The following PRKG1 variants were observed in gnomAD, a reference collection of about 807,000 sequenced individuals.
PRKG1 encodes the protein protein kinase cGMP-dependent 1, also known as cGMP-dependent protein kinase 1.
In PRKG1, 35 loss-of-function variants were observed where a neutral mutation model predicts 88.1. That is an observed-to-expected ratio of 0.40 (90% CI 0.30 to 0.53). The LOEUF is 0.53. Ranked by LOEUF, PRKG1 falls within the 20% of genes least tolerant of loss-of-function variation. PRKG1 has a pLI of 0.59. For synonymous variants in PRKG1, 303 were observed against 292.5 expected, an observed-to-expected ratio of 1.04 and a Z score of -0.37; for missense variants, 540 against 839.8, an observed-to-expected ratio of 0.64 and a Z score of 4.41.
intron 3 of PRKG1, among the ~76,000 whole-genome samples, chr10:51,583,935 A>C (rs1187369337): frequency 6.6e-6 from 1 of 152,074 alleles, no homozygotes; most frequent in African/African-American, 2.4e-5. Flanking sequence ...TGTTGAGCTA[A>C]GGCTTTGCAA....
At chr10:51,401,971 A>G (rs1020848968) in intron 2 of PRKG1, among the ~76,000 whole-genome samples, 8 of 152,114 alleles carry the variant, frequency 5.3e-5, no homozygotes, top group African/African-American at 1.2e-4. Flanking sequence ...CTGCCTCTCT[A>G]TTTATCCAAT....
intron 3 of PRKG1, among the ~76,000 whole-genome samples, chr10:51,581,011 G>C (rs191351486): frequency 2.1e-4 from 32 of 152,046 alleles, no homozygotes; most frequent in Admixed American, 1.8e-3. Context: ...GGTCCAGGGG[G>C]GGGTCACTGC....
At chr10:51,470,756 C>T (rs1206032072) in intron 3 of PRKG1, among the ~76,000 whole-genome samples, 3 of 151,836 alleles carry the variant, frequency 2.0e-5, no homozygotes, top group Admixed American at 1.3e-4. Flanking sequence ...AGTTTTCTTA[C>T]TAAAGCTCTA....
intron 5 of PRKG1, among the ~76,000 whole-genome samples, chr10:51,987,748 A>G (rs2447647): frequency 0.88 from 134,428 of 152,006 alleles, 59,588 homozygotes; most frequent in East Asian, 1. Flanking sequence ...CCATAATTTC[A>G]TGTCAGTGTA....
chr10:51,574,436 G>T (rs893275027), intron 3 of PRKG1, among the ~76,000 whole-genome samples: 1 of 151,932 alleles, frequency 6.6e-6, no homozygotes, highest in Admixed American at 6.6e-5. Context: ...GTCAAGGATA[G>T]GGAGGGGAGG....
intron 2 of PRKG1, among the ~76,000 whole-genome samples, chr10:51,337,754 A>G (rs972741413): frequency 6.6e-6 from 1 of 152,266 alleles, no homozygotes; most frequent in Non-Finnish European, 1.5e-5. Context: ...GAAACAACAG[A>G]TGCTGGTGAG....
At chr10:51,255,432 C>T (rs556348338) in intron 2 of PRKG1, among the ~76,000 whole-genome samples, 2 of 152,232 alleles carry the variant, frequency 1.3e-5, no homozygotes, top group South Asian at 4.2e-4. Flanking sequence ...AAACTCTGCT[C>T]GAACTATCTC....
chr10:51,089,060 T>C (rs1844332447), intron 1 of PRKG1, among the ~76,000 whole-genome samples: 1 of 152,150 alleles, frequency 6.6e-6, no homozygotes. Flanking sequence ...TACCCCTTGT[T>C]TATGTTATTG....
intron 2 of PRKG1, among the ~76,000 whole-genome samples, chr10:51,256,837 C>G (rs555475730): frequency 1.3e-5 from 2 of 151,498 alleles, no homozygotes; most frequent in Non-Finnish European, 2.9e-5. Flanking sequence ...AGACGTTGGA[C>G]TATGGGGGAA....
chr10:51,015,266 T>C (rs1843043486), intron 1 of PRKG1, among the ~76,000 whole-genome samples: 1 of 152,244 alleles, frequency 6.6e-6, no homozygotes, highest in South Asian at 2.1e-4. Flanking sequence ...CAAGTTACAA[T>C]TACTAAACAT....
intron 7 of PRKG1, among the ~76,000 whole-genome samples, chr10:52,102,159 C>T (rs1284871509): frequency 6.6e-6 from 1 of 152,128 alleles, no homozygotes; most frequent in Non-Finnish European, 1.5e-5. Flanking sequence ...AGCCAATAAA[C>T]AACTGCCTTT....
intron 3 of PRKG1, among the ~76,000 whole-genome samples, chr10:51,562,096 T>G (rs1837478849): frequency 6.6e-6 from 1 of 151,744 alleles, no homozygotes; most frequent in South Asian, 2.1e-4. Flanking sequence ...TGGTGGTGCA[T>G]GCCTGTAATC....
At chr10:51,350,599 A>G (rs1377823144) in intron 2 of PRKG1, among the ~76,000 whole-genome samples, 1 of 152,200 alleles carries the variant, frequency 6.6e-6, no homozygotes, top group African/African-American at 2.4e-5. Flanking sequence ...TGAGAAAGAA[A>G]TAAAGAGCAT....
chr10:51,119,104 T>C (rs2131911765), intron 1 of PRKG1, among the ~76,000 whole-genome samples: 1 of 152,256 alleles, frequency 6.6e-6, no homozygotes, highest in African/African-American at 2.4e-5. Context: ...ACTGTCTTAG[T>C]AGTTTGAAAA....
intron 3 of PRKG1, among the ~76,000 whole-genome samples, chr10:51,792,272 T>A (rs1445380921): frequency 6.6e-6 from 1 of 152,158 alleles, no homozygotes; most frequent in East Asian, 1.9e-4. Flanking sequence ...CTTGATCCCG[T>A]GTTTATAACC....
chr10:52,059,369 G>T (rs1846182261), intron 6 of PRKG1, among the ~76,000 whole-genome samples: 1 of 151,922 alleles, frequency 6.6e-6, no homozygotes, highest in Admixed American at 6.6e-5. Flanking sequence ...CTGCATCAGT[G>T]TTTGTAGCAT....
chr10:51,517,440 A>C (rs769583900), intron 3 of PRKG1, among the ~76,000 whole-genome samples: 3 of 152,200 alleles, frequency 2.0e-5, no homozygotes, highest in Non-Finnish European at 4.4e-5. Context: ...GGGTGTCAAC[A>C]ACACTTGCTG....
At chr10:51,429,254 T>C (rs1838688518) in intron 2 of PRKG1, among the ~76,000 whole-genome samples, 1 of 152,180 alleles carries the variant, frequency 6.6e-6, no homozygotes, top group Non-Finnish European at 1.5e-5. Flanking sequence ...AAATAAGATT[T>C]TTTAAAAACT....
chr10:51,604,235 G>A (rs560312203), intron 3 of PRKG1, among the ~76,000 whole-genome samples: 99 of 152,004 alleles, frequency 6.5e-4, no homozygotes, highest in Non-Finnish European at 1.3e-3. Flanking sequence ...AGCCTGGAAT[G>A]ATTCCCTTTC....
Sources: gnomAD v4.1 joint callset for allele counts (sites outside exome capture counted in the v4.1 genomes callset) on GRCh38, gnomAD v4.1.1 for gene constraint, MANE v1.5 for transcripts, NCBI Gene and HGNC (gene_info 2026-07-23, HGNC 2026-07-21) for gene names.